Variants in TLN2 observed in about 807,000 individuals in gnomAD.
The protein encoded by TLN2 is talin-2.
Under a neutral mutation model 294.7 loss-of-function variants are expected in TLN2, and 118 were observed. The ratio of observed to expected loss-of-function variants is 0.40; its 90% CI spans 0.34 to 0.47. TLN2 has a LOEUF of 0.47. Ranked by LOEUF, TLN2 falls within the 20% of genes least tolerant of loss-of-function variation. TLN2 has a pLI of 0.84. For synonymous variants in TLN2, 1,431 were observed against 1,304.5 expected, an observed-to-expected ratio of 1.10 and a Z score of -2.09; for missense variants, 3,083 against 3,282.2, an observed-to-expected ratio of 0.94 and a Z score of 1.48.
At chr15:62,430,657 TA>T (rs1288175696) in intron 1 of TLN2, among the ~76,000 whole-genome samples, 2 of 152,122 alleles carry the variant, frequency 1.3e-5, no homozygotes, top group East Asian at 3.9e-4. Flanking sequence ...AACGAACCAA[TA>T]AATATTTATT....
At chr15:62,413,428 C>T (rs1312121141) in intron 1 of TLN2, among the ~76,000 whole-genome samples, 1 of 152,178 alleles carries the variant, frequency 6.6e-6, no homozygotes, top group Non-Finnish European at 1.5e-5. Flanking sequence ...GCTAGTCCAT[C>T]TGAAGTGTAC....
chr15:62,461,851 G>A (rs1216644926), intron 1 of TLN2, among the ~76,000 whole-genome samples: 3 of 152,236 alleles, frequency 2.0e-5, no homozygotes. Flanking sequence ...GTGACCAGCT[G>A]TTGGCTAGAC....
In TLN2 at chr15:62,496,785, C is replaced by T. The variant is rs530473335; in HGVS notation, c.-237-92902C>T. On this transcript the variant is annotated intron_variant, in intron 1 of 58. Transcript: ENST00000636159. ...AATGTGAATCGTCTCTGTTATGGATCGCGACCAACTTCTAAGTTGCTTTGC... is the reference window on the plus strand; with the variant it reads ...AATGTGAATCGTCTCTGTTATGGATTGCGACCAACTTCTAAGTTGCTTTGC... 5.3e-5 allele frequency among the ~76,000 whole-genome samples: 8 copies of T among 152,278 alleles called. No homozygotes were observed. The East Asian group carries it at 5.8e-4, about 11-fold the overall frequency.
chr15:62,788,165 G>T (rs2064829885), intron 45 of TLN2, among the ~76,000 whole-genome samples: 1 of 151,664 alleles, frequency 6.6e-6, no homozygotes, highest in Admixed American at 6.6e-5. Context: ...ACAAAAATTA[G>T]CCGGGCATGG....
chr15:62,774,644 T>G (rs1347712407), intron 42 of TLN2, among the ~76,000 whole-genome samples: 2 of 152,136 alleles, frequency 1.3e-5, no homozygotes, highest in African/African-American at 4.8e-5. Flanking sequence ...TGTGAAAAAC[T>G]TAACCATGAG....
At chr15:62,743,227 G>C (rs2061435885) in intron 32 of TLN2, among the ~76,000 whole-genome samples, 1 of 152,002 alleles carries the variant, frequency 6.6e-6, no homozygotes, top group African/African-American at 2.4e-5. Flanking sequence ...CCTTGTTCTT[G>C]AGACTGTCAG....
At chr15:62,533,240 T>G (rs1596038352) in intron 1 of TLN2, among the ~76,000 whole-genome samples, 1 of 116,442 alleles carries the variant, frequency 8.6e-6, no homozygotes, top group Non-Finnish European at 1.6e-5. Context: ...GGTGACAGAG[T>G]GAGACTCTGT....
chr15:62,430,136 T>C (rs1009199353), intron 1 of TLN2, among the ~76,000 whole-genome samples: 5 of 152,248 alleles, frequency 3.3e-5, no homozygotes, highest in Non-Finnish European at 7.3e-5. Context: ...TGGCTGTGTT[T>C]ACATATTCTG....
At chr15:62,674,591 C>A (rs542134229) in intron 10 of TLN2, among the ~76,000 whole-genome samples, 5 of 150,498 alleles carry the variant, frequency 3.3e-5, no homozygotes, top group African/African-American at 4.9e-5. Context: ...TACCTCCCCC[C>A]GCCCTGTTCA....
chr15:62,419,153 A>G (rs1226037316), intron 1 of TLN2, among the ~76,000 whole-genome samples: 2 of 152,274 alleles, frequency 1.3e-5, no homozygotes, highest in African/African-American at 4.8e-5. Context: ...TGGCAAACAA[A>G]AAAAGAATAT....
In TLN2 at chr15:62,830,884, A is replaced by G. The variant is rs539278451; in HGVS notation, c.7003-2620A>G. On this transcript the variant is annotated intron_variant, in intron 54 of 58. Transcript: ENST00000636159. The stretch of plus-strand genomic sequence containing the variant: ...TTATCAGAGCAAATGTCTCCCAGAG[A>G]TAAGAACTTCTGCCGTATCTGTTTT... 3.3e-5 allele frequency: 5 copies of G among 152,326 alleles called. No individual in the cohort carries two copies. In the South Asian group the frequency reaches 6.2e-4, roughly 19 times the overall value. The allele number at this position is 152,326 out of a possible 1,614,324, so 9.4% of individuals were successfully genotyped here. A position where few individuals can be genotyped will look rare whatever the true frequency, so the allele number is the denominator to read the frequency against.
intron 1 of TLN2, among the ~76,000 whole-genome samples, chr15:62,399,281 A>AAAAT (rs2032830669): frequency 6.6e-6 from 1 of 150,982 alleles, no homozygotes; most frequent in African/African-American, 2.4e-5. Context: ...AAAAAAAAAA[A>AAAAT]AAAAGTAAGA....
chr15:62,720,651 GTGT>G, intron 25 of TLN2, among the ~76,000 whole-genome samples: 1 of 10,880 alleles, frequency 9.2e-5, no homozygotes. Flanking sequence ...CAACACAGGT[GTGT>G]GTGTGTGTGT....
intron 1 of TLN2, among the ~76,000 whole-genome samples, chr15:62,516,384 T>C (rs1309468262): frequency 1.3e-5 from 2 of 152,224 alleles, no homozygotes. Context: ...ATATGGGTCA[T>C]AGGTTTATTT....
At chr15:62,515,512 A>G (rs1405832841) in intron 1 of TLN2, among the ~76,000 whole-genome samples, 1 of 152,142 alleles carries the variant, frequency 6.6e-6, no homozygotes, top group Non-Finnish European at 1.5e-5. Flanking sequence ...AACAGATCCT[A>G]TTATGTGTTG....
intron 10 of TLN2, 137 bp from the exon 11 acceptor site, chr15:62,675,080 G>C (rs2056012292): frequency 1.3e-6 from 1 of 740,894 alleles, no homozygotes; most frequent in African/African-American, 1.7e-5. Context: ...CTGTGTCATG[G>C]AGGGGTCTCA....
intron 1 of TLN2, among the ~76,000 whole-genome samples, chr15:62,394,317 T>C (rs923740930): frequency 6.6e-6 from 1 of 152,196 alleles, no homozygotes; most frequent in African/African-American, 2.4e-5. Flanking sequence ...GTCATAATGT[T>C]TTCCTGATGA....
Position 62,707,194 on chromosome 15 carries a change from G to T in TLN2, c.2113G>T (p.Val705Leu). ...VAEDTVLQNR[V>L]IAAATQCALS... is the part of the protein sequence containing the mutation. ...CGAAGACACTGTCCTACAGAACAGG[G>T]TAATTGCTGCTGCCACCCAGTGTGC... The change falls in exon 20 of 59, where the codon GTA becomes TTA. Residue 705 changes from valine to leucine, a missense_variant. By Grantham distance (32) the Val-to-Leu change is conservative (BLOSUM62 1). Transcript: ENST00000636159. The T allele has an allele frequency of 6.2e-7, 1 of 1,614,106 alleles. No homozygotes were observed. Among genetic ancestry groups the T allele is most frequent in the Non-Finnish European group, 8.5e-7 (1 of 1,179,978 alleles).
At chr15:62,417,968 C>G (rs1329062262) in intron 1 of TLN2, among the ~76,000 whole-genome samples, 5 of 152,228 alleles carry the variant, frequency 3.3e-5, no homozygotes, top group Admixed American at 3.3e-4. Flanking sequence ...TAAGTTCTAC[C>G]TGGTATTTAA....
Sources: gnomAD v4.1 joint callset for allele counts (sites outside exome capture counted in the v4.1 genomes callset) on GRCh38, gnomAD v4.1.1 for gene constraint, MANE v1.5 for transcripts, NCBI Gene and HGNC (gene_info 2026-07-23, HGNC 2026-07-21) for gene names.